DPP10: variants seen among roughly 807,000 people sequenced by gnomAD.
DPP10 encodes the protein inactive dipeptidyl peptidase 10.
DPP10 carries 33 observed loss-of-function variants against 120.9 expected under a neutral mutation model. That is an observed-to-expected ratio of 0.27 (90% CI 0.21 to 0.37). DPP10 has a LOEUF of 0.37. Ranked by LOEUF, DPP10 falls within the 10% of genes least tolerant of loss-of-function variation. DPP10 has a pLI of 1.00. For synonymous variants in DPP10, 337 were observed against 326.1 expected (o/e 1.03, Z -0.36); for missense variants, 816 against 942.8 (o/e 0.87, Z 1.76).
intron 1 of DPP10, among the ~76,000 whole-genome samples, chr2:114,869,461 T>A (rs769780476): frequency 6.6e-6 from 1 of 152,126 alleles, no homozygotes; most frequent in South Asian, 2.1e-4. Context: ...AAGGATTCAT[T>A]GTGAAACAGT....
intron 1 of DPP10, among the ~76,000 whole-genome samples, chr2:115,099,130 C>CAAAAAAAAAA (rs55815168): frequency 6.7e-5 from 5 of 74,644 alleles, no homozygotes; most frequent in Non-Finnish European, 8.6e-5. Flanking sequence ...GCTAAAAATA[C>CAAAAAAAAAA]AAAAAAAAAA....
intron 1 of DPP10, among the ~76,000 whole-genome samples, chr2:114,578,457 C>T (rs1164545601): frequency 6.6e-6 from 1 of 152,120 alleles, no homozygotes; most frequent in Non-Finnish European, 1.5e-5. Flanking sequence ...TTAATATCAT[C>T]TATGTCTATT....
At chr2:115,379,595 CT>C (rs746341168) in intron 3 of DPP10, among the ~76,000 whole-genome samples, 2 of 152,032 alleles carry the variant, frequency 1.3e-5, no homozygotes, top group Non-Finnish European at 2.9e-5. Context: ...CTTCTGCTAG[CT>C]TTTGAATGTG....
chr2:115,048,734 T>C (rs1415555502), intron 1 of DPP10, among the ~76,000 whole-genome samples: 4 of 152,124 alleles, frequency 2.6e-5, no homozygotes, highest in Non-Finnish European at 4.4e-5. Flanking sequence ...CTTCTTCATA[T>C]ATGTATTCTC....
chr2:114,668,726 T>C (rs1240293284), intron 1 of DPP10, among the ~76,000 whole-genome samples: 2 of 152,172 alleles, frequency 1.3e-5, no homozygotes, highest in Non-Finnish European at 2.9e-5. Context: ...GAACATGGCT[T>C]TCCTTATATG....
chr2:115,523,396 CAAAAAAAAA>C lies in DPP10; in HGVS notation c.367-2484_367-2476del, dbSNP rs67633094. 1.3e-4 allele frequency among the ~76,000 whole-genome samples: 9 copies of C among 69,166 alleles called. No homozygotes were observed. The Admixed American group carries it at 1.3e-3, about 10-fold the overall frequency. 45.4% of individuals were successfully genotyped at this position (69,166 alleles called of 152,430 possible). A position where few individuals can be genotyped will look rare whatever the true frequency, so the allele number is the denominator to read the frequency against. On this transcript the variant is annotated intron_variant, in intron 4 of 25. Coordinates refer to ENST00000410059, the MANE Select transcript of DPP10 (RefSeq NM_020868.6). Reference sequence around the variant, plus strand: ...TTCAGACTTTAGTCAGAGAAGCTCTCAAAAAAAAAAAAAAAAAAAAAAAAAACCCTCCTG... The same window carrying C: ...TTCAGACTTTAGTCAGAGAAGCTCTCAAAAAAAAAAAAAAAAACCCTCCTG...
intron 5 of DPP10, among the ~76,000 whole-genome samples, chr2:115,618,840 T>C (rs967995808): frequency 3.3e-5 from 5 of 151,984 alleles, no homozygotes; most frequent in Non-Finnish European, 7.4e-5. Context: ...TTGACAATTA[T>C]TTTCCTCTTG....
intron 1 of DPP10, among the ~76,000 whole-genome samples, chr2:115,133,174 TA>T (rs2050466134): frequency 7.9e-6 from 1 of 127,332 alleles, no homozygotes; most frequent in African/African-American, 3.1e-5. Context: ...TATATATATA[TA>T]TAGTTTTTTT....
At chr2:114,496,111 A>G (rs918149071) in intron 1 of DPP10, among the ~76,000 whole-genome samples, 2 of 152,184 alleles carry the variant, frequency 1.3e-5, no homozygotes, top group African/African-American at 4.8e-5. Flanking sequence ...GAGATTTTAC[A>G]GAGCTAGTTA....
intron 1 of DPP10, among the ~76,000 whole-genome samples, chr2:114,863,686 G>A (rs967260790): frequency 4.6e-5 from 7 of 152,166 alleles, no homozygotes; most frequent in African/African-American, 1.4e-4. Flanking sequence ...GAATTAAAGG[G>A]CAACTACTTC....
At chr2:115,712,036 G>A (rs1040488083) in intron 7 of DPP10, among the ~76,000 whole-genome samples, 13 of 150,894 alleles carry the variant, frequency 8.6e-5, no homozygotes, top group African/African-American at 3.2e-4. Flanking sequence ...GACTGGGGCA[G>A]GGGAGGGATG....
chr2:115,707,749 T>C (rs2149557546), intron 7 of DPP10, among the ~76,000 whole-genome samples: 1 of 152,014 alleles, frequency 6.6e-6, no homozygotes, highest in African/African-American at 2.4e-5. Flanking sequence ...TTCTTCTATA[T>C]GTGCAGGAAA....
chr2:115,256,490 G>C (rs1382460953), intron 1 of DPP10, among the ~76,000 whole-genome samples: 1 of 152,208 alleles, frequency 6.6e-6, no homozygotes, highest in African/African-American at 2.4e-5. Flanking sequence ...CCTGTGGCTG[G>C]AGTTGGAGCA....
chr2:115,557,730 G>C (rs915435972), intron 5 of DPP10, among the ~76,000 whole-genome samples: 1 of 152,172 alleles, frequency 6.6e-6, no homozygotes. Context: ...TTTTGGTAAA[G>C]AAAGATGGAT....
In DPP10 at chr2:114,871,491, G is replaced by A. The variant is rs975597607; in HGVS notation, c.60+428653G>A. ...AATTACTTGTGAACCAACCTAATAA[G>A]AGTCTTAGAGAAGATCTAATAAAGG... On this transcript the variant is annotated intron_variant, in intron 1 of 25. Transcript: ENST00000410059. 2.0e-5 allele frequency among the ~76,000 whole-genome samples: 3 copies of A among 152,194 alleles called. No individual in the cohort carries two copies. The East Asian group carries it at 5.8e-4, about 29-fold the overall frequency.
At chr2:114,871,660 C>T (rs368422040) in intron 1 of DPP10, among the ~76,000 whole-genome samples, 2 of 152,136 alleles carry the variant, frequency 1.3e-5, no homozygotes, top group African/African-American at 4.8e-5. Context: ...GTTTTAGATT[C>T]GAGGGGGTAC....
chr2:115,777,779 C>T lies in DPP10; in HGVS notation c.1314-8C>T. 6.2e-7 allele frequency: 1 copy of T among 1,613,076 alleles called. No individual in the cohort carries two copies. Among genetic ancestry groups the T allele is most frequent in the Non-Finnish European group, 8.5e-7 (1 of 1,179,348 alleles). On this transcript the variant is annotated splice_region_variant and splice_polypyrimidine_tract_variant and intron_variant, in intron 14 of 25. Coordinates refer to ENST00000410059, the MANE Select transcript of DPP10 (RefSeq NM_020868.6). ...TCTAATGCTTGTGTTGTTTTCTTTCCTGGACAGTTACTTTCTGAGCACTGA... is the reference window on the plus strand; with the variant it reads ...TCTAATGCTTGTGTTGTTTTCTTTCTTGGACAGTTACTTTCTGAGCACTGA...
At chr2:115,560,554 A>T (rs1206448429) in intron 5 of DPP10, among the ~76,000 whole-genome samples, 1 of 147,888 alleles carries the variant, frequency 6.8e-6, no homozygotes, top group Non-Finnish European at 1.5e-5. Context: ...GCTCACAGTG[A>T]TCTATTCCCC....
intron 5 of DPP10, among the ~76,000 whole-genome samples, chr2:115,561,187 G>A (rs1275272464): frequency 6.6e-6 from 1 of 151,584 alleles, no homozygotes; most frequent in South Asian, 2.1e-4. Context: ...CGTCTCTACT[G>A]AAATACAAAA....
Sources: gnomAD v4.1 joint callset for allele counts (sites outside exome capture counted in the v4.1 genomes callset) on GRCh38, gnomAD v4.1.1 for gene constraint, MANE v1.5 for transcripts, NCBI Gene and HGNC (gene_info 2026-07-23, HGNC 2026-07-21) for gene names.